Variants in UMAD1 observed in about 807,000 individuals in gnomAD.
UMAD1 encodes the protein UBAP1-MVB12-associated (UMA) domain containing 1, also known as UBAP1-MVB12-associated (UMA)-domain containing protein 1.
A neutral mutation model predicts 6.1 loss-of-function variants in UMAD1; 8 were observed. The observed-to-expected ratio is 1.30, with a 90% CI of 0.76 to 2.35. The LOEUF (loss-of-function observed/expected upper bound fraction) is 2.35. Ranked by LOEUF, UMAD1 falls within the 30% of genes most tolerant of loss-of-function variation. The pLI is 0.00. For synonymous variants in UMAD1, 56 were observed against 31.4 expected (o/e 1.78, Z -2.61); for missense variants, 130 against 78.4 (o/e 1.66, Z -2.49).
chr7:7,836,820 T>C (rs948234342), intron 3 of UMAD1, among the ~76,000 whole-genome samples: 7 of 151,382 alleles, frequency 4.6e-5, no homozygotes, highest in Admixed American at 2.6e-4. Flanking sequence ...CAGAGAGACA[T>C]AGAAATGCAT....
At chr7:7,862,770 C>T (rs1032574317) in intron 3 of UMAD1, among the ~76,000 whole-genome samples, 4 of 152,092 alleles carry the variant, frequency 2.6e-5, no homozygotes. Flanking sequence ...CTTTCCAATC[C>T]AGATGACACT....
At chr7:7,748,698 ATGT>A (rs1319163708) in intron 2 of UMAD1, among the ~76,000 whole-genome samples, 30 of 151,990 alleles carry the variant, frequency 2.0e-4, no homozygotes, top group Non-Finnish European at 3.7e-4. Flanking sequence ...ACAACCTATC[ATGT>A]TGTTCTTTGG....
chr7:7,824,043 C>T (rs1783296410), intron 3 of UMAD1, among the ~76,000 whole-genome samples: 1 of 152,086 alleles, frequency 6.6e-6, no homozygotes, highest in African/African-American at 2.4e-5. Context: ...CTATTCCAAA[C>T]AACAAACATT....
chr7:7,861,279 G>T (rs1784111415), intron 3 of UMAD1, among the ~76,000 whole-genome samples: 1 of 152,178 alleles, frequency 6.6e-6, no homozygotes, highest in Non-Finnish European at 1.5e-5. Context: ...ACAAACTACT[G>T]TCCTGAGTTA....
At chr7:7,768,682 T>G (rs1384506707) in intron 2 of UMAD1, among the ~76,000 whole-genome samples, 1 of 152,222 alleles carries the variant, frequency 6.6e-6, no homozygotes, top group African/African-American at 2.4e-5. Context: ...TCCTCCTACT[T>G]GTTTCACTGC....
chr7:7,736,420 C>T (rs10486186), intron 2 of UMAD1: 31,051 of 152,850 alleles, frequency 0.2, 3,555 homozygotes, highest in African/African-American at 0.31. Flanking sequence ...GACTCTTCAC[C>T]TGCCGAGTTT....
chr7:7,732,821 C>G (rs933528160), intron 2 of UMAD1, among the ~76,000 whole-genome samples: 1 of 152,118 alleles, frequency 6.6e-6, no homozygotes, highest in Non-Finnish European at 1.5e-5. Flanking sequence ...GGCACTAAAA[C>G]TTTGAATGTG....
chr7:7,751,027 G>A (rs557719026), intron 2 of UMAD1, among the ~76,000 whole-genome samples: 1 of 152,272 alleles, frequency 6.6e-6, no homozygotes, highest in Admixed American at 6.5e-5. Context: ...CTTTAACTGT[G>A]TTAAAAGCCA....
chr7:7,849,648 C>A (rs1207753687), intron 3 of UMAD1, among the ~76,000 whole-genome samples: 1 of 152,128 alleles, frequency 6.6e-6, no homozygotes, highest in Non-Finnish European at 1.5e-5. Context: ...ACAGAGTGGA[C>A]AGGGACCCTG....
intron 3 of UMAD1, among the ~76,000 whole-genome samples, chr7:7,841,140 G>T (rs149903223): frequency 2.6e-5 from 4 of 151,986 alleles, no homozygotes; most frequent in Non-Finnish European, 5.9e-5. Context: ...AAATTACTTC[G>T]TGTGCATGTA....
intron 2 of UMAD1, among the ~76,000 whole-genome samples, chr7:7,676,524 T>C (rs1156627536): frequency 6.6e-6 from 1 of 152,216 alleles, no homozygotes; most frequent in Non-Finnish European, 1.5e-5. Context: ...TAAGACATTA[T>C]TGACATCCTA....
chr7:7,776,236 T>G (rs1468397010), intron 2 of UMAD1, among the ~76,000 whole-genome samples: 5 of 152,128 alleles, frequency 3.3e-5, no homozygotes, highest in Non-Finnish European at 7.4e-5. Flanking sequence ...TAAGGCAGAA[T>G]GATCAGTTGA....
chr7:7,643,399 T>C (rs1251205890), intron 1 of UMAD1, among the ~76,000 whole-genome samples: 1 of 152,110 alleles, frequency 6.6e-6, no homozygotes, highest in African/African-American at 2.4e-5. Context: ...TCATGGGAAA[T>C]AGACAAGCTT....
chr7:7,866,204 T>C (rs6463735), intron 3 of UMAD1, among the ~76,000 whole-genome samples: 74,779 of 152,022 alleles, frequency 0.49, 19,127 homozygotes, highest in African/African-American at 0.59. Context: ...GAGATTTAGA[T>C]TATTCAGTCA....
intron 3 of UMAD1, among the ~76,000 whole-genome samples, chr7:7,811,758 G>C (rs1256250848): frequency 1.3e-5 from 2 of 152,188 alleles, no homozygotes; most frequent in African/African-American, 2.4e-5. Flanking sequence ...TTTATGGCCT[G>C]TTGGGTGGGG....
rs192635673 is a variant in UMAD1, at chr7:7,832,534, T to C, written c.156+30791T>C. Reference sequence around the variant, plus strand: ...AAGAAAAATGAGGAGACCCAGAAGATAGTGTTATAGCCATTTGTCTCCACT... The same window carrying C: ...AAGAAAAATGAGGAGACCCAGAAGACAGTGTTATAGCCATTTGTCTCCACT... On this transcript the variant is annotated intron_variant, in intron 3 of 3. Coordinates refer to ENST00000682710, the MANE Select transcript of UMAD1 (RefSeq NM_001302348.2). Among the ~76,000 whole-genome samples the C allele has an allele frequency of 5.6e-4, 85 of 152,256 alleles. 2 individuals are homozygous for C. The East Asian group carries it at 0.01, about 18-fold the overall frequency.
intron 2 of UMAD1, among the ~76,000 whole-genome samples, chr7:7,680,837 C>G (rs1779890895): frequency 6.6e-6 from 1 of 151,296 alleles, no homozygotes; most frequent in South Asian, 2.1e-4. Context: ...GTTTCTTTTT[C>G]AAATTGTTTG....
At chr7:7,789,294 G>A (rs565103627) in intron 2 of UMAD1, among the ~76,000 whole-genome samples, 23 of 149,180 alleles carry the variant, frequency 1.5e-4, no homozygotes, top group African/African-American at 5.7e-4. Context: ...CATTTCCCTC[G>A]CATGACTTTC....
chr7:7,796,794 C>G (rs1782693251), intron 2 of UMAD1, among the ~76,000 whole-genome samples: 1 of 152,142 alleles, frequency 6.6e-6, no homozygotes, highest in Non-Finnish European at 1.5e-5. Context: ...CTTCATCTCC[C>G]TGCCCCATGA....
Sources: allele counts gnomAD v4.1 joint callset (sites outside exome capture counted in the v4.1 genomes callset), GRCh38; gene constraint gnomAD v4.1.1; transcripts MANE v1.5; gene names NCBI Gene and HGNC (gene_info 2026-07-23, HGNC 2026-07-21).